COG5: variants seen among roughly 807,000 people sequenced by gnomAD.
COG5 encodes component of oligomeric golgi complex 5, also known as conserved oligomeric Golgi complex subunit 5.
A neutral mutation model predicts 110.4 loss-of-function variants in COG5; 86 were observed. The ratio of observed to expected loss-of-function variants is 0.78; its 90% CI spans 0.65 to 0.93. The LOEUF (loss-of-function observed/expected upper bound fraction) is 0.93. COG5 is among the 40% of genes least tolerant of loss of function. The pLI is 0.00. For synonymous variants in COG5, 360 were observed against 334.6 expected, an observed-to-expected ratio of 1.08 and a Z score of -0.83; for missense variants, 1,077 against 987.0, an observed-to-expected ratio of 1.09 and a Z score of -1.22.
At chr7:107,268,519 A>G (rs1473716153) in intron 14 of COG5, among the ~76,000 whole-genome samples, 1 of 152,218 alleles carries the variant, frequency 6.6e-6, no homozygotes, top group Non-Finnish European at 1.5e-5. Context: ...TAAGTGTTTG[A>G]GAAAGCATCT....
At chr7:107,440,856 C>T (rs973669528) in intron 6 of COG5, among the ~76,000 whole-genome samples, 1 of 152,120 alleles carries the variant, frequency 6.6e-6, no homozygotes, top group African/African-American at 2.4e-5. Flanking sequence ...TATATCTTTT[C>T]TATTTGGCTG....
chr7:107,342,391 C>CCACA (rs1491164220), intron 10 of COG5, among the ~76,000 whole-genome samples: 1 of 145,008 alleles, frequency 6.9e-6, no homozygotes, highest in Non-Finnish European at 1.5e-5. Flanking sequence ...AAAAAACACA[C>CCACA]CACAGGCTGG....
intron 19 of COG5, among the ~76,000 whole-genome samples, chr7:107,220,785 G>A (rs1799858979): frequency 6.6e-6 from 1 of 151,926 alleles, no homozygotes; most frequent in South Asian, 2.1e-4. Context: ...GGACTTTGAG[G>A]GATGCAAAGG....
intron 6 of COG5, among the ~76,000 whole-genome samples, chr7:107,455,646 C>A (rs187372284): frequency 1.3e-5 from 2 of 152,072 alleles, no homozygotes; most frequent in African/African-American, 2.4e-5. Context: ...TGTAATAACA[C>A]CTGTGAGAGA....
chr7:107,559,201 C>G (rs950047380), intron 1 of COG5, among the ~76,000 whole-genome samples: 1 of 151,840 alleles, frequency 6.6e-6, no homozygotes, highest in African/African-American at 2.4e-5. Flanking sequence ...TTAAAATAGG[C>G]CCCTAATAGA....
intron 6 of COG5, among the ~76,000 whole-genome samples, chr7:107,513,118 A>G (rs562510257): frequency 0.012 from 1,843 of 151,246 alleles, 15 homozygotes; most frequent in Non-Finnish European, 0.016. Flanking sequence ...GCAACCTACA[A>G]AATGGGAGAA....
In COG5 at chr7:107,437,306, A is replaced by G. The variant is rs137870785; in HGVS notation, c.539-24674T>C. ...AATGGTGAATAGCTAGCCCCAGTGC[A>G]TTCTGCTTGGTATTAATCTATTATG... On this transcript the variant is annotated intron_variant, in intron 6 of 21. Transcript: ENST00000297135. Among the ~76,000 whole-genome samples, 1,508 of 152,278 alleles carry G rather than the reference A, an allele frequency of 9.9e-3. 10 individuals carry two copies. Among genetic ancestry groups the G allele is most frequent in the Non-Finnish European group, 0.015 (1,026 of 68,006 alleles).
chr7:107,482,460 T>C (rs1382161579), intron 6 of COG5, among the ~76,000 whole-genome samples: 1 of 152,146 alleles, frequency 6.6e-6, no homozygotes, highest in African/African-American at 2.4e-5. Flanking sequence ...TATATTCTAA[T>C]AAGTACTCTC....
At chr7:107,212,192 A>G (rs1004197806) in intron 19 of COG5, among the ~76,000 whole-genome samples, 1 of 152,236 alleles carries the variant, frequency 6.6e-6, no homozygotes, top group Non-Finnish European at 1.5e-5. Flanking sequence ...AGATGGCTTT[A>G]TATTAACTAT....
chr7:107,558,435 T>C (rs553521583), intron 1 of COG5, among the ~76,000 whole-genome samples: 20 of 150,376 alleles, frequency 1.3e-4, no homozygotes, highest in East Asian at 5.9e-4. Flanking sequence ...TCAAACCCCA[T>C]CTCTACAAAA....
intron 7 of COG5, among the ~76,000 whole-genome samples, chr7:107,411,917 C>G (rs998497428): frequency 1.3e-5 from 2 of 152,076 alleles, no homozygotes; most frequent in Non-Finnish European, 2.9e-5. Context: ...GTTGTTGAAT[C>G]TAATACATCA....
intron 6 of COG5, among the ~76,000 whole-genome samples, chr7:107,419,815 G>A (rs1258653140): frequency 6.6e-6 from 1 of 152,094 alleles, no homozygotes; most frequent in Non-Finnish European, 1.5e-5. Flanking sequence ...TGATCCACCC[G>A]CCTCGGCCTC....
chr7:107,322,939 T>C (rs138561530), intron 11 of COG5, among the ~76,000 whole-genome samples: 2,242 of 152,310 alleles, frequency 0.015, 53 homozygotes, highest in African/African-American at 0.052. Context: ...ATTATGCTGA[T>C]GATCAAATAA....
At chr7:107,451,706 A>G (rs879132337) in intron 6 of COG5, among the ~76,000 whole-genome samples, 1 of 152,210 alleles carries the variant, frequency 6.6e-6, no homozygotes, top group East Asian at 1.9e-4. Context: ...TCCACTTCCA[A>G]TTAATGAACA....
chr7:107,260,706 GT>G (rs1173296139), intron 14 of COG5, among the ~76,000 whole-genome samples: 1 of 152,080 alleles, frequency 6.6e-6, no homozygotes, highest in Non-Finnish European at 1.5e-5. Flanking sequence ...AAAAATTATA[GT>G]TTTGGGTACA....
chr7:107,558,137 G>A (rs758953051), intron 1 of COG5, 22 bp from the exon 2 acceptor site: 2 of 1,611,628 alleles, frequency 1.2e-6, no homozygotes, highest in African/African-American at 2.7e-5. Context: ...AAAAAATAAG[G>A]AAAAGTCCTT....
chr7:107,457,067 T>C (rs1332184379), intron 6 of COG5, among the ~76,000 whole-genome samples: 12 of 151,980 alleles, frequency 7.9e-5, no homozygotes, highest in Admixed American at 7.9e-4. Flanking sequence ...CAGCACCCAA[T>C]AACAAATTAT....
At chr7:107,478,868 A>T (rs1797146212) in intron 6 of COG5, among the ~76,000 whole-genome samples, 1 of 152,114 alleles carries the variant, frequency 6.6e-6, no homozygotes, top group Non-Finnish European at 1.5e-5. Flanking sequence ...GGACCTTAGT[A>T]GGGCTTATTC....
chr7:107,276,255 C>T (rs1300057791), intron 14 of COG5, among the ~76,000 whole-genome samples: 2 of 152,116 alleles, frequency 1.3e-5, no homozygotes, highest in African/African-American at 4.8e-5. Flanking sequence ...TATTTGCCTC[C>T]AAAGTTGATA....
Sources: allele counts gnomAD v4.1 joint callset (sites outside exome capture counted in the v4.1 genomes callset), GRCh38; gene constraint gnomAD v4.1.1; transcripts MANE v1.5; gene names NCBI Gene and HGNC (gene_info 2026-07-23, HGNC 2026-07-21).